AGAP1: variants seen among roughly 807,000 people sequenced by gnomAD.
AGAP1 encodes ArfGAP with GTPase domain, ankyrin repeat and PH domain 1, also known as arf-GAP with GTPase, ANK repeat and PH domain-containing protein 1.
In AGAP1, 29 loss-of-function variants were observed where a neutral mutation model predicts 105.3. The observed-to-expected ratio is 0.28, with a 90% CI of 0.21 to 0.38. The LOEUF (loss-of-function observed/expected upper bound fraction) is 0.38, where lower values mean the gene tolerates loss of function less well. Ranked by LOEUF, AGAP1 falls within the 10% of genes least tolerant of loss-of-function variation. The pLI is 1.00. For missense variants in AGAP1, 998 were observed against 1,165.1 expected, an observed-to-expected ratio of 0.86 and a Z score of 2.09; for synonymous variants, 509 against 485.9, an observed-to-expected ratio of 1.05 and a Z score of -0.63.
chr2:235,746,882 G>A (rs3738996), intron 5 of AGAP1, among the ~76,000 whole-genome samples: 37,541 of 151,918 alleles, frequency 0.25, 5,765 homozygotes, highest in Non-Finnish European at 0.34. Flanking sequence ...CCTGCGATCA[G>A]GTTCTGTTCT....
At chr2:236,102,238 A>T (rs1043948381) in intron 16 of AGAP1, among the ~76,000 whole-genome samples, 61 of 152,132 alleles carry the variant, frequency 4.0e-4, no homozygotes, top group Non-Finnish European at 6.9e-4. Context: ...TAACACGGTG[A>T]AACCCTGTTT....
chr2:236,054,871 C>CG (rs1553559320), intron 16 of AGAP1, among the ~76,000 whole-genome samples: 1 of 152,160 alleles, frequency 6.6e-6, no homozygotes. Context: ...CTGCCGGGCC[C>CG]GGGCCCCCTC....
intron 11 of AGAP1, among the ~76,000 whole-genome samples, chr2:235,926,950 A>G (rs1315101365): frequency 2.0e-5 from 3 of 152,222 alleles, no homozygotes; most frequent in Non-Finnish European, 4.4e-5. Context: ...ACCAATTTTT[A>G]AATGAAATCT....
At chr2:235,925,646 G>C (rs1392778003) in intron 11 of AGAP1, among the ~76,000 whole-genome samples, 2 of 152,190 alleles carry the variant, frequency 1.3e-5, no homozygotes, top group Non-Finnish European at 2.9e-5. Flanking sequence ...GTGAAAATGT[G>C]ATTTAACTAA....
intron 12 of AGAP1, among the ~76,000 whole-genome samples, chr2:235,943,532 T>G (rs1053074085): frequency 6.6e-6 from 1 of 152,120 alleles, no homozygotes. Flanking sequence ...GTATTTTTAG[T>G]AGAGACGGGG....
In AGAP1 at chr2:236,027,350, G is replaced by C. The variant is rs893400303; in HGVS notation, c.1646-9211G>C. Among the ~76,000 whole-genome samples the C allele has an allele frequency of 2.6e-5, 4 of 152,000 alleles. No homozygotes were observed. The highest frequency in any genetic ancestry group is 4.4e-5 in the Non-Finnish European group (3 of 67,992). On this transcript the variant is annotated intron_variant, in intron 13 of 17. Transcript: ENST00000304032. The surrounding 1 kb of genome is among the most constrained non-coding windows in gnomAD (Gnocchi z 4.4). ...TGTTGGTGTAGAGTGGCCTTAATTA[G>C]GCTCTGTGCTCAGATGTTAATCCTT...
At chr2:235,910,387 A>G (rs966113441) in intron 11 of AGAP1, among the ~76,000 whole-genome samples, 1 of 67,196 alleles carries the variant, frequency 1.5e-5, no homozygotes, top group African/African-American at 6.0e-5. Context: ...GCTTTATGCT[A>G]AAGGAGTCTT....
rs976536291 is a variant in AGAP1, at chr2:235,953,565, TCTTA to T, written c.1484-14893_1484-14890del. ...TTGTTTGTTCTTTGTGCTGCAGTGG[TCTTA>T]CTTGGCAACTCCCTGTCTTGACAGA... On this transcript the variant is annotated intron_variant, in intron 12 of 17. Coordinates refer to ENST00000304032, the MANE Select transcript of AGAP1 (RefSeq NM_001037131.3). This position sits in a 1 kb window ranked among gnomAD's most constrained non-coding sequence, Gnocchi z 5.2. 1.1e-4 allele frequency among the ~76,000 whole-genome samples: 17 copies of T among 152,190 alleles called. No homozygotes were observed. Among genetic ancestry groups the T allele is most frequent in the African/African-American group, 4.1e-4 (17 of 41,450 alleles).
At chr2:235,772,715 C>A (rs1428864819) in intron 6 of AGAP1, among the ~76,000 whole-genome samples, 2 of 152,312 alleles carry the variant, frequency 1.3e-5, no homozygotes, top group African/African-American at 4.8e-5. Flanking sequence ...GCAGAGAGTT[C>A]ATTGTCACAG....
At chr2:235,956,783 G>A (rs915969111) in intron 12 of AGAP1, among the ~76,000 whole-genome samples, 13 of 152,146 alleles carry the variant, frequency 8.5e-5, no homozygotes, top group Admixed American at 2.6e-4. Context: ...GGTGGCTGGA[G>A]GCCAGACAGC....
In AGAP1 at chr2:235,723,763, A is replaced by ACCGT. The variant is rs1951504845; in HGVS notation, c.310+6119_310+6120insCCGT. Among the ~76,000 whole-genome samples, 1 of 105,102 alleles carries ACCGT rather than the reference A, an allele frequency of 9.5e-6. No individual in the cohort carries two copies. The highest frequency in any genetic ancestry group is 1.9e-5 in the Non-Finnish European group (1 of 52,232). 69.0% of individuals were successfully genotyped at this position (105,102 alleles called of 152,430 possible). A position where few individuals can be genotyped will look rare whatever the true frequency, so the allele number is the denominator to read the frequency against. On this transcript the variant is annotated intron_variant, in intron 3 of 17. Transcript: ENST00000304032. This position sits in a 1 kb window ranked among gnomAD's most constrained non-coding sequence, Gnocchi z 6.2. ...GTATATGGATTGAGTGGGAGCTTTT[A>ACCGT]TCGTTGGTTGGTTGGTTGGTTGGTT... is the stretch of plus-strand genomic sequence containing the variant.
At chr2:235,812,850 C>T (rs1199225337) in intron 9 of AGAP1, among the ~76,000 whole-genome samples, 1 of 152,232 alleles carries the variant, frequency 6.6e-6, no homozygotes, top group Non-Finnish European at 1.5e-5. Flanking sequence ...GATGTCCACC[C>T]ACGTGGCAAA....
intron 1 of AGAP1, among the ~76,000 whole-genome samples, chr2:235,649,741 G>A (rs912940356): frequency 3.3e-5 from 5 of 152,200 alleles, no homozygotes; most frequent in Admixed American, 3.3e-4. Flanking sequence ...TTGCCCTGAG[G>A]AGCACTACGC....
At chr2:235,499,323 A>G (rs1941463740) in intron 1 of AGAP1, among the ~76,000 whole-genome samples, 1 of 152,248 alleles carries the variant, frequency 6.6e-6, no homozygotes, top group African/African-American at 2.4e-5. Context: ...TGACTGTGGC[A>G]AAACTTCCAG....
intron 1 of AGAP1, among the ~76,000 whole-genome samples, chr2:235,638,787 T>C (rs1250182670): frequency 6.6e-6 from 1 of 152,200 alleles, no homozygotes; most frequent in Non-Finnish European, 1.5e-5. Context: ...GGAAGCTGGT[T>C]ACAACCCAGG....
Position 235,988,429 on chromosome 2 carries a change from T to C in AGAP1, c.1645+19806T>C, listed in dbSNP as rs562689736. ...CAGTCGCACCTGCTTCAGATACTAC[T>C]CAGAATTTCTTGTCCTTAAATGCCA... On this transcript the variant is annotated intron_variant, in intron 13 of 17. Coordinates refer to ENST00000304032, the MANE Select transcript of AGAP1 (RefSeq NM_001037131.3). This position sits in a 1 kb window ranked among gnomAD's most constrained non-coding sequence, Gnocchi z 4.7. 6.6e-6 allele frequency among the ~76,000 whole-genome samples: 1 copy of C among 152,122 alleles called. No individual in the cohort carries two copies. The highest frequency in any genetic ancestry group is 2.4e-5 in the African/African-American group (1 of 41,426).
chr2:235,691,450 G>A lies in AGAP1; in HGVS notation c.164-17729G>A, dbSNP rs1418518251. On this transcript the variant is annotated intron_variant, in intron 1 of 17. Coordinates refer to ENST00000304032, the MANE Select transcript of AGAP1 (RefSeq NM_001037131.3). The surrounding 1 kb of genome is among the most constrained non-coding windows in gnomAD (Gnocchi z 4.4). ...ATTTAACACATCTTTAAAATCCGCT[G>A]AAGACTGTAAAGATACTCATTTGAG... is the stretch of plus-strand genomic sequence containing the variant. Among the ~76,000 whole-genome samples, 1 of 152,246 alleles carries A rather than the reference G, an allele frequency of 6.6e-6. No homozygotes were observed. Among genetic ancestry groups the A allele is most frequent in the Non-Finnish European group, 1.5e-5 (1 of 68,040 alleles).
At chr2:235,796,905 C>T (rs1282810274) in intron 6 of AGAP1, among the ~76,000 whole-genome samples, 2 of 152,200 alleles carry the variant, frequency 1.3e-5, no homozygotes, top group African/African-American at 4.8e-5. Context: ...GAAGAGTTTT[C>T]TAATCGTTGA....
chr2:235,971,319 A>G lies in AGAP1; in HGVS notation c.1645+2696A>G, dbSNP rs1041231342. Among the ~76,000 whole-genome samples, 2 of 152,198 alleles carry G rather than the reference A, an allele frequency of 1.3e-5. No individual in the cohort carries two copies. The highest frequency in any genetic ancestry group is 4.8e-5 in the African/African-American group (2 of 41,462). On this transcript the variant is annotated intron_variant, in intron 13 of 17. Coordinates refer to ENST00000304032, the MANE Select transcript of AGAP1 (RefSeq NM_001037131.3). This position sits in a 1 kb window ranked among gnomAD's most constrained non-coding sequence, Gnocchi z 4.8. ...AACATATCTGAAGTCAGAACATATC[A>G]TTGTAGATTCAGTGATATATGATAT...
Sources: gnomAD v4.1 joint callset for allele counts (sites outside exome capture counted in the v4.1 genomes callset) on GRCh38, gnomAD v4.1.1 for gene constraint, Gnocchi (gnomAD v3.1) non-coding constraint, MANE v1.5 for transcripts, NCBI Gene and HGNC (gene_info 2026-07-23, HGNC 2026-07-21) for gene names.